The following GADL1 variants were observed in gnomAD, a reference collection of about 807,000 sequenced individuals.
GADL1 encodes GAD like acidic amino acid decarboxylase 1.
A neutral mutation model predicts 69.5 loss-of-function variants in GADL1; 71 were observed. That is an observed-to-expected ratio of 1.02 (90% confidence interval 0.84 to 1.25). GADL1 has a LOEUF of 1.25. GADL1 is among the 50% of genes most tolerant of loss of function. The pLI is 0.00. For synonymous variants in GADL1, 254 were observed against 214.4 expected, an observed-to-expected ratio of 1.18 and a Z score of -1.62; for missense variants, 737 against 631.8, an observed-to-expected ratio of 1.17 and a Z score of -1.79.
chr3:30,842,325 T>C (rs1697980213), intron 8 of GADL1, among the ~76,000 whole-genome samples: 2 of 150,764 alleles, frequency 1.3e-5, no homozygotes, highest in African/African-American at 2.5e-5. Flanking sequence ...ATAGATCAAA[T>C]GGTATTATGT....
intron 1 of GADL1, among the ~76,000 whole-genome samples, chr3:30,892,009 C>T (rs1259788006): frequency 6.6e-6 from 1 of 152,088 alleles, no homozygotes; most frequent in African/African-American, 2.4e-5. Flanking sequence ...CTCTTTTAAA[C>T]ATGTTTTAAC....
intron 11 of GADL1, among the ~76,000 whole-genome samples, chr3:30,805,860 G>A (rs1049656404): frequency 1.3e-5 from 2 of 149,824 alleles, no homozygotes; most frequent in African/African-American, 4.9e-5. Context: ...CCTCAAATCA[G>A]GCATTAGAGT....
intron 14 of GADL1, among the ~76,000 whole-genome samples, chr3:30,775,031 G>A (rs1005892618): frequency 1.2e-4 from 18 of 152,138 alleles, no homozygotes; most frequent in African/African-American, 3.9e-4. Context: ...ATGAGTGAGA[G>A]TCAGAGGAGG....
intron 14 of GADL1, among the ~76,000 whole-genome samples, chr3:30,758,293 ACT>A (rs1236251039): frequency 1.8e-4 from 28 of 152,128 alleles, no homozygotes; most frequent in African/African-American, 6.5e-4. Flanking sequence ...GGAGCACTCC[ACT>A]CTCTGAAAGA....
intron 1 of GADL1, among the ~76,000 whole-genome samples, chr3:30,888,763 G>A (rs1308560749): frequency 6.6e-6 from 1 of 151,958 alleles, no homozygotes; most frequent in Non-Finnish European, 1.5e-5. Context: ...TAAAAATGAA[G>A]TAGGGCTTTC....
chr3:30,769,880 C>T (rs1696378253), intron 14 of GADL1, among the ~76,000 whole-genome samples: 1 of 59,498 alleles, frequency 1.7e-5, no homozygotes, highest in African/African-American at 1.3e-4. Context: ...AAGGGACAAA[C>T]TCTCATCTCA....
intron 1 of GADL1, among the ~76,000 whole-genome samples, chr3:30,881,587 T>A (rs992912676): frequency 2.0e-5 from 3 of 151,652 alleles, no homozygotes; most frequent in African/African-American, 7.3e-5. Context: ...ATATAAGAAC[T>A]CAAGAACAGC....
At chr3:30,730,874 T>C (rs1383398828) in intron 14 of GADL1, among the ~76,000 whole-genome samples, 1 of 152,208 alleles carries the variant, frequency 6.6e-6, no homozygotes, top group African/African-American at 2.4e-5. Flanking sequence ...TGTGTGTGCC[T>C]GTGCATATAT....
chr3:30,737,344 G>A (rs970050039), intron 14 of GADL1, among the ~76,000 whole-genome samples: 1 of 152,082 alleles, frequency 6.6e-6, no homozygotes, highest in African/African-American at 2.4e-5. Flanking sequence ...CATTGCTTAT[G>A]TCGATTTTGT....
At chr3:30,787,209 C>G (rs1393133697) in intron 12 of GADL1, among the ~76,000 whole-genome samples, 2 of 144,442 alleles carry the variant, frequency 1.4e-5, no homozygotes, top group African/African-American at 2.4e-5. Flanking sequence ...AAAAAAATTA[C>G]CTGAATATGA....
chr3:30,832,079 AAC>A (rs1242883464), intron 11 of GADL1, among the ~76,000 whole-genome samples: 6 of 151,936 alleles, frequency 3.9e-5, no homozygotes, highest in African/African-American at 1.4e-4. Flanking sequence ...GGAAGAGAGT[AAC>A]AGAGGCAGAA....
chr3:30,886,265 AT>A (rs1459622983), intron 1 of GADL1, among the ~76,000 whole-genome samples: 7 of 152,074 alleles, frequency 4.6e-5, no homozygotes, highest in Non-Finnish European at 1.0e-4. Context: ...GAATTTGAGG[AT>A]TAGATTGAGG....
chr3:30,755,746 CGAAT>C (rs1695953368), intron 14 of GADL1, among the ~76,000 whole-genome samples: 2 of 152,008 alleles, frequency 1.3e-5, no homozygotes, highest in South Asian at 2.1e-4. Flanking sequence ...AATTGTTAAA[CGAAT>C]GAATGAAACA....
intron 13 of GADL1, among the ~76,000 whole-genome samples, chr3:30,783,598 T>A (rs2125498508): frequency 6.6e-6 from 1 of 152,336 alleles, no homozygotes; most frequent in East Asian, 1.9e-4. Context: ...GACTATCAAC[T>A]TTATATGTGA....
chr3:30,736,695 C>A (rs912906153), intron 14 of GADL1, among the ~76,000 whole-genome samples: 4 of 152,122 alleles, frequency 2.6e-5, no homozygotes, highest in African/African-American at 9.7e-5. Flanking sequence ...AATATTGCAA[C>A]TCATGTATGC....
At chr3:30,847,393 A>G (rs1471603781) in intron 6 of GADL1, among the ~76,000 whole-genome samples, 1 of 152,190 alleles carries the variant, frequency 6.6e-6, no homozygotes, top group Non-Finnish European at 1.5e-5. Context: ...AGACTACCTA[A>G]TATAACAGTA....
intron 1 of GADL1, among the ~76,000 whole-genome samples, chr3:30,873,567 C>G (rs1233146399): frequency 6.6e-6 from 1 of 151,858 alleles, no homozygotes; most frequent in East Asian, 1.9e-4. Context: ...TTTTGTACTC[C>G]TAAAGCAATA....
chr3:30,825,790 G>A (rs1697671803), intron 11 of GADL1, among the ~76,000 whole-genome samples: 2 of 151,896 alleles, frequency 1.3e-5, no homozygotes, highest in South Asian at 2.1e-4. Context: ...GGAACAAGGG[G>A]AGGGAGAGCA....
chr3:30,807,429 G>GT (rs1388428932), intron 11 of GADL1, among the ~76,000 whole-genome samples: 1 of 152,222 alleles, frequency 6.6e-6, no homozygotes. Context: ...GCAATAGGAA[G>GT]TTATCAATGC....
Sources: allele counts gnomAD v4.1 joint callset (sites outside exome capture counted in the v4.1 genomes callset), GRCh38; gene constraint gnomAD v4.1.1; transcripts MANE v1.5; gene names NCBI Gene and HGNC (gene_info 2026-07-23, HGNC 2026-07-21).